The following SYCE2 variants were observed in gnomAD, a reference collection of about 807,000 sequenced individuals.
The protein encoded by SYCE2 is synaptonemal complex central element protein 2, also known as central element synaptonemal complex 1.
Under a neutral mutation model 27.9 loss-of-function variants are expected in SYCE2, and 3 were observed. The ratio of observed to expected loss-of-function variants is 0.11; its 90% CI spans 0.05 to 0.28. The LOEUF is 0.28. SYCE2 is among the 10% of genes least tolerant of loss of function. The probability of loss-of-function intolerance (pLI) is 1.00; values close to 1 mark genes in which losing one functional copy is unlikely to be tolerated. For synonymous variants in SYCE2, 85 were observed against 100.7 expected, an observed-to-expected ratio of 0.84 and a Z score of 0.93; for missense variants, 207 against 263.5, an observed-to-expected ratio of 0.79 and a Z score of 1.48.
chr19:12,902,910 T>C (rs1249819920), intron 3 of SYCE2, among the ~76,000 whole-genome samples: 1 of 151,610 alleles, frequency 6.6e-6, no homozygotes, highest in African/African-American at 2.4e-5. Context: ...TTTTGTTTGT[T>C]TGTTTGTTTG....
chr19:12,914,996 G>A (rs1473107605), intron 2 of SYCE2, among the ~76,000 whole-genome samples: 2 of 152,216 alleles, frequency 1.3e-5, no homozygotes, highest in African/African-American at 4.8e-5. Context: ...ATGCCCAGAA[G>A]AAATGAAATC....
At chr19:12,917,463 A>G (rs1049460277) in intron 2 of SYCE2, among the ~76,000 whole-genome samples, 1 of 152,116 alleles carries the variant, frequency 6.6e-6, no homozygotes, top group African/African-American at 2.4e-5. Flanking sequence ...CTGGGGTTCA[A>G]GCGATTCTCC....
At chr19:12,899,933 G>A (rs765869286) in intron 5 of SYCE2, 71 bp downstream of exon 5, 1 of 1,610,842 alleles carries the variant, frequency 6.2e-7, no homozygotes, top group African/African-American at 1.3e-5. Context: ...TGTTGGAGCA[G>A]AGTGAGGGAG....
intron 2 of SYCE2, among the ~76,000 whole-genome samples, chr19:12,914,884 C>T (rs1460618566): frequency 6.6e-6 from 1 of 152,216 alleles, no homozygotes; most frequent in Non-Finnish European, 1.5e-5. Flanking sequence ...GCTGGGATTA[C>T]AGGCATGAGC....
chr19:12,918,308 G>A lies in SYCE2; in HGVS notation c.45C>T (p.Asp15=), dbSNP rs773457019. The change falls in exon 2 of 6, where the codon GAC becomes GAT. Residue 15 remains aspartate (D), a synonymous_variant. Transcript: ENST00000293695. ...TCTCCCCCAAGGGCTGCGGTTCCTG[G>A]TCTTTGCATTTCACATGGGGCACGT... ...GVDVPHVKCK[D]QEPQPLGESK... The A allele has an allele frequency of 1.9e-6, 3 of 1,614,118 alleles. No individual in the cohort carries two copies. Among genetic ancestry groups the A allele is most frequent in the Non-Finnish European group, 2.5e-6 (3 of 1,180,020 alleles).
At chr19:12,899,599 G>A in intron 5 of SYCE2, 1 of 1,613,684 alleles carries the variant, frequency 6.2e-7, no homozygotes, top group Non-Finnish European at 8.5e-7. Flanking sequence ...TGCCTGGCTG[G>A]ACCGTAGGAG....
chr19:12,916,767 A>ATTTC (rs374698352), intron 2 of SYCE2, among the ~76,000 whole-genome samples: 101 of 149,088 alleles, frequency 6.8e-4, no homozygotes, highest in Admixed American at 1.1e-3. Flanking sequence ...CACCACGCTC[A>ATTTC]TTTCTTTCTT....
intron 3 of SYCE2, among the ~76,000 whole-genome samples, chr19:12,903,561 AT>A (rs1970882630): frequency 6.7e-6 from 1 of 149,132 alleles, no homozygotes; most frequent in African/African-American, 2.5e-5. Flanking sequence ...TAATTTTTGT[AT>A]TTTTCATAGA....
intron 2 of SYCE2, among the ~76,000 whole-genome samples, chr19:12,908,298 A>AAG (rs766379162): frequency 1.8e-5 from 2 of 113,490 alleles, no homozygotes; most frequent in African/African-American, 3.3e-5. Context: ...TTTTTTTTTT[A>AAG]AGAGAGAGAG....
At chr19:12,901,533 A>G (rs80057611) in intron 3 of SYCE2, among the ~76,000 whole-genome samples, 1 of 152,114 alleles carries the variant, frequency 6.6e-6, no homozygotes, top group South Asian at 2.1e-4. Flanking sequence ...CTACCTCAAA[A>G]GAAGAAAAGA....
chr19:12,900,266 G>A, intron 4 of SYCE2, 146 bp from the exon 5 acceptor site: 1 of 1,146,360 alleles, frequency 8.7e-7, no homozygotes, highest in South Asian at 1.6e-5. Flanking sequence ...CATGACAACG[G>A]TTTGGCTTCT....
chr19:12,902,707 C>T (rs930505975), intron 3 of SYCE2, among the ~76,000 whole-genome samples: 3 of 151,884 alleles, frequency 2.0e-5, no homozygotes, highest in African/African-American at 4.8e-5. Flanking sequence ...TCAAGCTACT[C>T]GAGAGGCTGA....
At chr19:12,903,931 C>CA in intron 3 of SYCE2, among the ~76,000 whole-genome samples, 1 of 152,172 alleles carries the variant, frequency 6.6e-6, no homozygotes, top group Non-Finnish European at 1.5e-5. Flanking sequence ...GCATCAGGTG[C>CA]AACCATTCAT....
chr19:12,919,016 C>T (rs1350555870), intron 1 of SYCE2, among the ~76,000 whole-genome samples: 1 of 151,836 alleles, frequency 6.6e-6, no homozygotes, highest in Admixed American at 6.6e-5. Flanking sequence ...CCTTTCTCTA[C>T]TCCGTTCCGG....
At chr19:12,919,154 G>C (rs1026814463) in intron 1 of SYCE2, 89 bp downstream of exon 1, 10 of 1,559,656 alleles carry the variant, frequency 6.4e-6, no homozygotes, top group Admixed American at 3.3e-5. Context: ...GGCCGGGCTC[G>C]GGTCCGCTGG....
intron 1 of SYCE2, 127 bp downstream of exon 1, chr19:12,919,116 G>C: frequency 7.9e-7 from 1 of 1,262,252 alleles, no homozygotes; most frequent in Admixed American, 1.7e-5. Flanking sequence ...GGCCTGATGA[G>C]AGGGAGCCCC....
chr19:12,911,566 T>C (rs1355956265), intron 2 of SYCE2, among the ~76,000 whole-genome samples: 1 of 150,146 alleles, frequency 6.7e-6, no homozygotes, highest in Non-Finnish European at 1.5e-5. Context: ...CAGCCTCCCC[T>C]GTAGCTGGGA....
At chr19:12,912,727 G>A (rs1226153139) in intron 2 of SYCE2, among the ~76,000 whole-genome samples, 3 of 151,708 alleles carry the variant, frequency 2.0e-5, no homozygotes, top group Non-Finnish European at 4.4e-5. Flanking sequence ...TCCTTTTTAA[G>A]GCTCAAGGGA....
At chr19:12,916,939 G>A (rs1428455048) in intron 2 of SYCE2, among the ~76,000 whole-genome samples, 1 of 151,940 alleles carries the variant, frequency 6.6e-6, no homozygotes, top group South Asian at 2.1e-4. Context: ...TAGTAGAGAC[G>A]GAGTTTCACC....
Sources: gnomAD v4.1 joint callset for allele counts (sites outside exome capture counted in the v4.1 genomes callset) on GRCh38, gnomAD v4.1.1 for gene constraint, MANE v1.5 for transcripts, NCBI Gene and HGNC (gene_info 2026-07-23, HGNC 2026-07-21) for gene names.